CDH9: variants seen among roughly 807,000 people sequenced by gnomAD.
CDH9 encodes the protein cadherin-9.
In CDH9, 28 loss-of-function variants were observed where a neutral mutation model predicts 70.9. That is an observed-to-expected ratio of 0.40 (90% CI 0.29 to 0.54). The LOEUF (loss-of-function observed/expected upper bound fraction) is 0.54, where lower values mean the gene tolerates loss of function less well. Among genes scored for constraint, CDH9 ranks in the 20% least tolerant of loss-of-function variants. CDH9 has a pLI of 0.59. For synonymous variants in CDH9, 409 were observed against 343.1 expected, an observed-to-expected ratio of 1.19 and a Z score of -2.12; for missense variants, 874 against 984.4, an observed-to-expected ratio of 0.89 and a Z score of 1.50.
intron 2 of CDH9, among the ~76,000 whole-genome samples, chr5:26,919,205 T>C (rs1741200504): frequency 6.6e-6 from 1 of 152,140 alleles, no homozygotes; most frequent in Non-Finnish European, 1.5e-5. Context: ...GCTGGACCAC[T>C]CTTCTCTCAT....
intron 2 of CDH9, among the ~76,000 whole-genome samples, chr5:26,963,857 G>C (rs892158052): frequency 3.9e-5 from 6 of 152,150 alleles, no homozygotes; most frequent in African/African-American, 1.2e-4. Context: ...GGAATGTATA[G>C]GTTAATAGAA....
chr5:26,908,984 T>A (rs1428281090), intron 3 of CDH9, among the ~76,000 whole-genome samples: 1 of 152,174 alleles, frequency 6.6e-6, no homozygotes, highest in Non-Finnish European at 1.5e-5. Context: ...ATGTTTTATA[T>A]TAATTTTTGT....
chr5:26,934,405 T>C (rs1741523358), intron 2 of CDH9, among the ~76,000 whole-genome samples: 1 of 152,050 alleles, frequency 6.6e-6, no homozygotes, highest in Non-Finnish European at 1.5e-5. Flanking sequence ...ATTGAGGCTA[T>C]AGTGAACTGT....
intron 1 of CDH9, among the ~76,000 whole-genome samples, chr5:27,007,700 CTTAA>C (rs1742890150): frequency 6.6e-6 from 1 of 151,916 alleles, no homozygotes; most frequent in Non-Finnish European, 1.5e-5. Flanking sequence ...ATTTGTGTAT[CTTAA>C]TTAATTCAAT....
In CDH9 at chr5:26,947,795, G is replaced by T. The variant is rs780467061; in HGVS notation, c.229-31871C>A. 3.7e-4 allele frequency among the ~76,000 whole-genome samples: 56 copies of T among 152,042 alleles called. 1 individual carries two copies. Among genetic ancestry groups the T allele is most frequent in the Non-Finnish European group, 1.9e-4 (13 of 68,024 alleles). On this transcript the variant is annotated intron_variant, in intron 2 of 11. Coordinates refer to ENST00000231021, the MANE Select transcript of CDH9 (RefSeq NM_016279.4). Reference sequence around the variant, plus strand: ...TTGTTTTATTGGCCAAAAGCTGAAGGTAGAGTCTTCCAAGAATCTCTAGCC... The same window carrying T: ...TTGTTTTATTGGCCAAAAGCTGAAGTTAGAGTCTTCCAAGAATCTCTAGCC...
At chr5:26,969,115 A>G (rs1742175775) in intron 2 of CDH9, among the ~76,000 whole-genome samples, 1 of 152,156 alleles carries the variant, frequency 6.6e-6, no homozygotes, top group Admixed American at 6.5e-5. Flanking sequence ...GAAATTTTTC[A>G]TTCTTTTCAA....
intron 7 of CDH9, among the ~76,000 whole-genome samples, chr5:26,900,487 T>C (rs1049577466): frequency 4.6e-5 from 7 of 152,062 alleles, no homozygotes; most frequent in Non-Finnish European, 7.4e-5. Flanking sequence ...TGAAGGGGCA[T>C]CATGCCTCTT....
chr5:26,890,336 C>G, intron 8 of CDH9, 92 bp downstream of exon 8: 1 of 1,012,952 alleles, frequency 9.9e-7, no homozygotes. Flanking sequence ...AGGATACAAT[C>G]ATACCACTCA....
chr5:27,022,934 T>C (rs62344100), intron 1 of CDH9, among the ~76,000 whole-genome samples: 132 of 151,366 alleles, frequency 8.7e-4, no homozygotes, highest in Non-Finnish European at 1.6e-3. Flanking sequence ...TTATTTGTAT[T>C]GTTCTTTTTT....
chr5:26,931,377 G>A (rs1003132653), intron 2 of CDH9, among the ~76,000 whole-genome samples: 4 of 152,000 alleles, frequency 2.6e-5, no homozygotes, highest in Admixed American at 2.6e-4. Context: ...CATTTGTATT[G>A]GAATCATAAA....
At position 26,993,102 on chromosome 5, in the gene CDH9, C is replaced by CAAAA. The variant is rs34636129; in HGVS notation, c.-49-4724_-49-4721dup. Among the ~76,000 whole-genome samples the CAAAA allele has an allele frequency of 7.3e-3, 766 of 104,326 alleles. 15 individuals are homozygous for CAAAA. Among genetic ancestry groups the CAAAA allele is most frequent in the African/African-American group, 0.026 (726 of 27,718 alleles). The allele number at this position is 104,326 out of a possible 152,430, so 68.4% of individuals were successfully genotyped here. Reference sequence around the variant, plus strand: ...GGCAACAAGGGTGAAACTCCGTCTCCAAAAAAAAAAAAAAAAAGCATATCT... The same window carrying CAAAA: ...GGCAACAAGGGTGAAACTCCGTCTCCAAAAAAAAAAAAAAAAAAAAAGCATATCT... On this transcript the variant is annotated intron_variant, in intron 1 of 11. Coordinates refer to ENST00000231021, the MANE Select transcript of CDH9 (RefSeq NM_016279.4).
At chr5:26,913,777 G>GTT (rs1334841857) in intron 3 of CDH9, among the ~76,000 whole-genome samples, 37 of 151,846 alleles carry the variant, frequency 2.4e-4, no homozygotes, top group African/African-American at 8.9e-4. Context: ...GTGTGTGTGT[G>GTT]TGTGTGTGTG....
At chr5:27,011,081 C>T (rs1045653658) in intron 1 of CDH9, among the ~76,000 whole-genome samples, 2 of 151,910 alleles carry the variant, frequency 1.3e-5, no homozygotes, top group African/African-American at 2.4e-5. Context: ...AAGAATTCCA[C>T]GATTATTTCT....
chr5:26,981,210 C>T (rs1262530254), intron 2 of CDH9, among the ~76,000 whole-genome samples: 2 of 152,066 alleles, frequency 1.3e-5, no homozygotes, highest in East Asian at 1.9e-4. Context: ...AATCATCCCT[C>T]GGTATCCGTG....
chr5:26,961,890 A>C (rs1484256389), intron 2 of CDH9, among the ~76,000 whole-genome samples: 1 of 151,988 alleles, frequency 6.6e-6, no homozygotes, highest in Non-Finnish European at 1.5e-5. Flanking sequence ...GGTTTCTTAC[A>C]TAGGTGTACA....
chr5:26,969,001 C>T (rs185302042), intron 2 of CDH9, among the ~76,000 whole-genome samples: 3 of 152,270 alleles, frequency 2.0e-5, no homozygotes, highest in African/African-American at 7.2e-5. Context: ...GTTTGCCCTC[C>T]TAAAACCTCA....
intron 1 of CDH9, among the ~76,000 whole-genome samples, chr5:27,001,842 A>T (rs560761129): frequency 0.019 from 2,402 of 125,546 alleles, 69 homozygotes; most frequent in African/African-American, 0.071. Context: ...ACACACACAC[A>T]CACTCTCTCT....
intron 1 of CDH9, among the ~76,000 whole-genome samples, chr5:27,029,067 T>C (rs987576247): frequency 2.0e-5 from 3 of 152,002 alleles, no homozygotes; most frequent in African/African-American, 7.2e-5. Context: ...AAAGGTTATA[T>C]CTCACTCAAT....
chr5:27,032,828 T>C (rs1743331709), intron 1 of CDH9, among the ~76,000 whole-genome samples: 1 of 151,416 alleles, frequency 6.6e-6, no homozygotes, highest in Non-Finnish European at 1.5e-5. Flanking sequence ...GGGAAAATAG[T>C]CAACTAAATA....
Sources: allele counts gnomAD v4.1 joint callset (sites outside exome capture counted in the v4.1 genomes callset), GRCh38; gene constraint gnomAD v4.1.1; transcripts MANE v1.5; gene names NCBI Gene and HGNC (gene_info 2026-07-23, HGNC 2026-07-21).